Variants in SPATA4 observed in about 807,000 individuals in gnomAD.
The protein encoded by SPATA4 is spermatogenesis-associated protein 4.
SPATA4 carries 35 observed loss-of-function variants against 31.8 expected under a neutral mutation model. The ratio of observed to expected loss-of-function variants is 1.10; its 90% CI spans 0.84 to 1.46. The LOEUF (loss-of-function observed/expected upper bound fraction) is 1.46, where lower values mean the gene tolerates loss of function less well. Ranked by LOEUF, SPATA4 falls within the 40% of genes most tolerant of loss-of-function variation. SPATA4 has a pLI of 0.00. For missense variants in SPATA4, 394 were observed against 363.1 expected, an observed-to-expected ratio of 1.09 and a Z score of -0.69; for synonymous variants, 126 against 132.4, an observed-to-expected ratio of 0.95 and a Z score of 0.33.
At position 176,192,693 on chromosome 4, in the gene SPATA4, G is replaced by A. The variant is rs571200357; in HGVS notation, c.622C>T (p.Leu208Phe). 5.6e-6 allele frequency: 9 copies of A among 1,614,070 alleles called. No individual in the cohort carries two copies. The highest frequency in any genetic ancestry group is 7.6e-6 in the Non-Finnish European group (9 of 1,179,998). Residue 208 changes from leucine to phenylalanine, a missense_variant, in exon 4 of 6, where the codon CTT becomes TTT. By Grantham distance (22) the Leu-to-Phe change is conservative. Coordinates refer to ENST00000280191, the MANE Select transcript of SPATA4 (RefSeq NM_144644.4). ...AAAAGGATGAGGAACTCCGCTTTAA[G>A]TTCATTGGTCAGCATGTTGGGATTG... Reference protein sequence around the residue: ...LSNPNMLTNELKAEFLILLHM... With the variant: ...LSNPNMLTNEFKAEFLILLHM...
At position 176,195,381 on chromosome 4, in the gene SPATA4, C is replaced by A. The variant is rs1166564280; in HGVS notation, c.182G>T (p.Gly61Val). 1.2e-6 allele frequency: 2 copies of A among 1,614,170 alleles called. No individual in the cohort carries two copies. Among genetic ancestry groups the A allele is most frequent in the Admixed American group, 3.3e-5 (2 of 60,016 alleles). Residue 61 changes from glycine (G) to valine (V), a missense_variant, in exon 1 of 6, where the codon GGT (glycine) becomes GTT (valine). Physicochemically the swap from Gly to Val is moderately radical, Grantham distance 109. Transcript: ENST00000280191. ...LSRSVLRWLQ[G>V]LDLSFFPRNI... ...CCTGGGGAAGAAGCTGAGATCCAGA[C>A]CCTGAAGCCAACGCAGAACGGAACG... is the stretch of plus-strand genomic sequence containing the variant.
chr4:176,195,228 G>A, intron 1 of SPATA4, 117 bp downstream of exon 1: 1 of 849,076 alleles, frequency 1.2e-6, no homozygotes, highest in East Asian at 2.5e-5. Flanking sequence ...TACGTGGGTG[G>A]GGGGGTCTTG....
intron 2 of SPATA4, 109 bp from the exon 3 acceptor site, chr4:176,193,185 G>T: frequency 3.7e-6 from 3 of 814,818 alleles, no homozygotes; most frequent in Non-Finnish European, 5.8e-6. Context: ...AGTAATTTTT[G>T]TGTTTAACAC....
chr4:176,192,362 G>T (rs1048302056), intron 4 of SPATA4, among the ~76,000 whole-genome samples: 7 of 152,150 alleles, frequency 4.6e-5, no homozygotes, highest in African/African-American at 1.7e-4. Flanking sequence ...CTTGTGAAAG[G>T]TTACAAGAAT....
At position 176,195,506 on chromosome 4, in the gene SPATA4, G is replaced by C. The variant is rs2126926051; in HGVS notation, c.57C>G (p.Asp19Glu). Residue 19 changes from aspartate to glutamate, a missense_variant, in exon 1 of 6, where the codon GAC (aspartate) becomes GAG (glutamate). Asp to Glu is a conservative substitution (Grantham distance 45). Coordinates refer to ENST00000280191, the MANE Select transcript of SPATA4 (RefSeq NM_144644.4). ...GYLTQTAAAL[D>E]KSPSLSPQLA... ...GCTGTGGCGAAAGTGACGGTGACTT[G>C]TCTAGGGCTGCCGCAGTCTGTGTCA... 3 of 1,614,266 alleles carry C rather than the reference G, an allele frequency of 1.9e-6. No homozygotes were observed. The East Asian group carries it at 6.7e-5, about 36-fold the overall frequency.
chr4:176,193,774 T>C (rs746064640), intron 1 of SPATA4, 192 bp from the exon 2 acceptor site: 5 of 485,332 alleles, frequency 1.0e-5, no homozygotes, highest in Admixed American at 4.1e-5. Context: ...GCTTTGGTGT[T>C]CTTTTGATGA....
At chr4:176,192,606 C>G (rs1752547934) in intron 4 of SPATA4, 21 bp downstream of exon 4, 1 of 1,593,742 alleles carries the variant, frequency 6.3e-7, no homozygotes, top group Admixed American at 1.7e-5. Context: ...AAGAACTCAG[C>G]TGTTTCAAAG....
intron 4 of SPATA4, among the ~76,000 whole-genome samples, chr4:176,191,292 C>T (rs1001892351): frequency 6.6e-6 from 1 of 152,134 alleles, no homozygotes; most frequent in African/African-American, 2.4e-5. Flanking sequence ...GACGGGATTT[C>T]ACCATGTTGG....
At chr4:176,187,196 A>G (rs1270723470) in intron 5 of SPATA4, among the ~76,000 whole-genome samples, 1 of 152,138 alleles carries the variant, frequency 6.6e-6, no homozygotes, top group African/African-American at 2.4e-5. Context: ...ACTCAACCCA[A>G]CTGTTGAAGG....
At chr4:176,191,459 T>C (rs896153946) in intron 4 of SPATA4, among the ~76,000 whole-genome samples, 8 of 152,166 alleles carry the variant, frequency 5.3e-5, no homozygotes, top group African/African-American at 1.9e-4. Context: ...TGGAAGGGAA[T>C]GTGGAGAATG....
intron 4 of SPATA4, among the ~76,000 whole-genome samples, chr4:176,191,762 A>T (rs952759647): frequency 6.6e-6 from 1 of 152,216 alleles, no homozygotes; most frequent in African/African-American, 2.4e-5. Context: ...AAAATATAAG[A>T]GATGGAAGAA....
chr4:176,185,553 A>G lies in SPATA4; in HGVS notation c.806-661T>C, dbSNP rs547271346. ...GCCATTATATGAAATCTTAGATGGT[A>G]AAACAGAGTTACGTTCCTACAGTCT... On this transcript the variant is annotated intron_variant, in intron 5 of 5. Transcript: ENST00000280191. 6.6e-5 allele frequency among the ~76,000 whole-genome samples: 10 copies of G among 152,342 alleles called. No homozygotes were observed. The South Asian group carries it at 2.1e-3, about 32-fold the overall frequency.
chr4:176,193,816 T>C lies in SPATA4; in HGVS notation c.219-234A>G, dbSNP rs113701769. ...ACTGTTAATTTGTATTGAATCCGCA[T>C]TTCAAGAAGATCCCCAGGTGATTCA... On this transcript the variant is annotated intron_variant, in intron 1 of 5. Coordinates refer to ENST00000280191, the MANE Select transcript of SPATA4 (RefSeq NM_144644.4). 6.1e-4 allele frequency: 201 copies of C among 328,092 alleles called. 6 individuals are homozygous for C. The Middle Eastern group carries it at 0.015, about 25-fold the overall frequency. The allele number at this position is 328,092 out of a possible 1,614,324, so 20.3% of individuals were successfully genotyped here.
intron 4 of SPATA4, among the ~76,000 whole-genome samples, chr4:176,189,885 T>A (rs947827877): frequency 6.6e-6 from 1 of 152,150 alleles, no homozygotes; most frequent in African/African-American, 2.4e-5. Flanking sequence ...TCCGGGAACT[T>A]CAGCAAGACC....
intron 5 of SPATA4, among the ~76,000 whole-genome samples, chr4:176,187,682 G>A (rs1752467188): frequency 6.6e-6 from 1 of 152,152 alleles, no homozygotes; most frequent in South Asian, 2.1e-4. Flanking sequence ...TTGGACCATG[G>A]GCTACAGTTT....
chr4:176,193,005 C>T lies in SPATA4; in HGVS notation c.420G>A (p.Val140=). 1.2e-6 allele frequency: 2 copies of T among 1,610,804 alleles called. No homozygotes were observed. The highest frequency in any genetic ancestry group is 1.7e-6 in the Non-Finnish European group (2 of 1,179,126). Reference sequence around the variant, plus strand: ...AAACCTCTTCTATCAATATTTCAGGCACTCCAGCTTTACAATGAATTGTTC... The same window carrying T: ...AAACCTCTTCTATCAATATTTCAGGTACTCCAGCTTTACAATGAATTGTTC... ...IHGTIHCKAG[V]PEILIEEVYT... Residue 140 remains valine, a synonymous_variant, in exon 3 of 6, where the codon GTG becomes GTA. Transcript: ENST00000280191.
intron 5 of SPATA4, among the ~76,000 whole-genome samples, chr4:176,186,375 G>A (rs1380777898): frequency 6.6e-6 from 1 of 152,222 alleles, no homozygotes; most frequent in East Asian, 1.9e-4. Flanking sequence ...AAACTTACCT[G>A]CAGTTTCCTT....
intron 1 of SPATA4, among the ~76,000 whole-genome samples, 169 bp downstream of exon 1, chr4:176,195,176 A>G (rs951777397): frequency 2.5e-4 from 38 of 152,218 alleles, no homozygotes; most frequent in African/African-American, 8.4e-4. Flanking sequence ...GTATCGTGGT[A>G]TTTTGTTAAA....
intron 1 of SPATA4, chr4:176,194,025 C>G (rs897468698): frequency 6.3e-6 from 1 of 158,932 alleles, no homozygotes; most frequent in Non-Finnish European, 1.4e-5. Context: ...GTACTCTGTT[C>G]TGGGCAGTCT....
Sources: gnomAD v4.1 joint callset for allele counts (sites outside exome capture counted in the v4.1 genomes callset) on GRCh38, gnomAD v4.1.1 for gene constraint, MANE v1.5 for transcripts, NCBI Gene and HGNC (gene_info 2026-07-23, HGNC 2026-07-21) for gene names.